The following ERBB4 variants were observed in gnomAD, a reference collection of about 807,000 sequenced individuals.
ERBB4 encodes the protein receptor tyrosine-protein kinase erbB-4.
In ERBB4, 42 loss-of-function variants were observed where a neutral mutation model predicts 158.0. The observed-to-expected ratio is 0.27, with a 90% CI of 0.21 to 0.34. The LOEUF is 0.34. Among genes scored for constraint, ERBB4 ranks in the 10% least tolerant of loss-of-function variants. The probability of loss-of-function intolerance (pLI) is 1.00; values close to 1 mark genes in which losing one functional copy is unlikely to be tolerated. For synonymous variants in ERBB4, 583 were observed against 558.7 expected (o/e 1.04, Z -0.61); for missense variants, 1,333 against 1,624.1 (o/e 0.82, Z 3.08).
At chr2:212,311,842 G>C (rs1456234069) in intron 1 of ERBB4, among the ~76,000 whole-genome samples, 1 of 150,964 alleles carries the variant, frequency 6.6e-6, no homozygotes, top group Non-Finnish European at 1.5e-5. Context: ...TGCAGAGAAA[G>C]CCACATCTAC....
chr2:211,860,737 A>G (rs980329981), intron 3 of ERBB4, among the ~76,000 whole-genome samples: 5 of 151,226 alleles, frequency 3.3e-5, no homozygotes, highest in Non-Finnish European at 5.9e-5. Context: ...TACTTATGCA[A>G]TGTTTTATTT....
At chr2:212,108,263 T>C (rs977074607) in intron 2 of ERBB4, among the ~76,000 whole-genome samples, 2 of 152,112 alleles carry the variant, frequency 1.3e-5, no homozygotes, top group African/African-American at 2.4e-5. Flanking sequence ...AGAGGGTAGA[T>C]TCAAACACTT....
intron 1 of ERBB4, among the ~76,000 whole-genome samples, chr2:212,444,762 G>A (rs2105991485): frequency 6.6e-6 from 1 of 152,178 alleles, no homozygotes; most frequent in African/African-American, 2.4e-5. Context: ...ACTGCTGAAT[G>A]CCCAATTTGG....
At chr2:211,705,796 G>A (rs1035914777) in intron 9 of ERBB4, among the ~76,000 whole-genome samples, 20 of 152,144 alleles carry the variant, frequency 1.3e-4, no homozygotes, top group African/African-American at 4.6e-4. Flanking sequence ...CCTCAAAGAA[G>A]TATACATTGC....
chr2:211,478,358 A>G (rs1287493563), intron 20 of ERBB4, among the ~76,000 whole-genome samples: 1 of 152,168 alleles, frequency 6.6e-6, no homozygotes, highest in East Asian at 1.9e-4. Flanking sequence ...TAATGTCTCT[A>G]TATTCAAAGA....
At chr2:212,219,459 A>G (rs2083217741) in intron 1 of ERBB4, among the ~76,000 whole-genome samples, 1 of 151,462 alleles carries the variant, frequency 6.6e-6, no homozygotes, top group Non-Finnish European at 1.5e-5. Context: ...ATAAAAAATA[A>G]TAAGATTTTT....
chr2:211,555,164 C>T (rs989397698), intron 20 of ERBB4, among the ~76,000 whole-genome samples: 4 of 152,002 alleles, frequency 2.6e-5, no homozygotes, highest in African/African-American at 9.7e-5. Flanking sequence ...AAGAAACAAA[C>T]AATTTTGGTG....
chr2:212,449,572 A>T (rs2092415063), intron 1 of ERBB4, among the ~76,000 whole-genome samples: 1 of 152,072 alleles, frequency 6.6e-6, no homozygotes, highest in African/African-American at 2.4e-5. Flanking sequence ...TATTTTTTCC[A>T]ATCTGGTTTG....
chr2:212,009,522 A>G (rs2076335427), intron 2 of ERBB4, among the ~76,000 whole-genome samples: 1 of 152,012 alleles, frequency 6.6e-6, no homozygotes, highest in Non-Finnish European at 1.5e-5. Context: ...ATAAATTCCT[A>G]TTGTTTTAAC....
intron 20 of ERBB4, among the ~76,000 whole-genome samples, chr2:211,511,822 G>A (rs919333177): frequency 6.6e-6 from 1 of 151,828 alleles, no homozygotes; most frequent in Non-Finnish European, 1.5e-5. Flanking sequence ...TTTCCCCTAC[G>A]CCATTGTTTT....
At chr2:211,957,242 C>T (rs574522718) in intron 2 of ERBB4, among the ~76,000 whole-genome samples, 11 of 151,998 alleles carry the variant, frequency 7.2e-5, no homozygotes, top group African/African-American at 2.4e-4. Flanking sequence ...GTTATTAAGT[C>T]GGGCCCTAAT....
intron 19 of ERBB4, among the ~76,000 whole-genome samples, chr2:211,566,052 A>T (rs1013083412): frequency 1.2e-4 from 19 of 152,194 alleles, no homozygotes; most frequent in African/African-American, 4.6e-4. Context: ...TGATGACTGG[A>T]AGTTCCGGGT....
At chr2:211,645,282 AAGAC>A (rs941575168) in intron 16 of ERBB4, among the ~76,000 whole-genome samples, 4 of 151,710 alleles carry the variant, frequency 2.6e-5, no homozygotes, top group Non-Finnish European at 1.5e-5. Flanking sequence ...GAGAGAGAGA[AAGAC>A]AGAGAGGGAG....
At chr2:212,200,383 T>A (rs1311886609) in intron 1 of ERBB4, among the ~76,000 whole-genome samples, 1 of 152,160 alleles carries the variant, frequency 6.6e-6, no homozygotes, top group Non-Finnish European at 1.5e-5. Context: ...AAAATATTTA[T>A]CTTGTAAAGT....
chr2:212,336,174 A>G (rs2088434858), intron 1 of ERBB4, among the ~76,000 whole-genome samples: 2 of 151,920 alleles, frequency 1.3e-5, no homozygotes, highest in South Asian at 4.1e-4. Context: ...ATTTGTTTTC[A>G]TTGTGTTTTT....
chr2:211,954,283 T>A (rs536685701), intron 2 of ERBB4, among the ~76,000 whole-genome samples: 2 of 152,118 alleles, frequency 1.3e-5, no homozygotes, highest in African/African-American at 4.8e-5. Flanking sequence ...AATGATTTTA[T>A]GCACATTAAA....
intron 20 of ERBB4, among the ~76,000 whole-genome samples, chr2:211,505,820 C>T (rs2065732345): frequency 1.3e-5 from 2 of 151,882 alleles, no homozygotes; most frequent in South Asian, 2.1e-4. Context: ...ATTAGCTAGG[C>T]GTGGTAGTGG....
At chr2:212,072,113 G>A (rs1325740894) in intron 2 of ERBB4, among the ~76,000 whole-genome samples, 2 of 151,880 alleles carry the variant, frequency 1.3e-5, no homozygotes. Flanking sequence ...TATTTTTCTA[G>A]GCAGTAATTT....
At chr2:212,304,316 A>T (rs1280796374) in intron 1 of ERBB4, among the ~76,000 whole-genome samples, 1 of 151,528 alleles carries the variant, frequency 6.6e-6, no homozygotes, top group Non-Finnish European at 1.5e-5. Flanking sequence ...TCCAAACTAT[A>T]CCTGAATATG....
Sources: gnomAD v4.1 joint callset for allele counts (sites outside exome capture counted in the v4.1 genomes callset) on GRCh38, gnomAD v4.1.1 for gene constraint, MANE v1.5 for transcripts, NCBI Gene and HGNC (gene_info 2026-07-23, HGNC 2026-07-21) for gene names.